ABI1: variants seen among roughly 807,000 people sequenced by gnomAD.
ABI1 encodes abl interactor 1.
ABI1 carries 14 observed loss-of-function variants against 54.6 expected under a neutral mutation model. The observed-to-expected ratio is 0.26, with a 90% CI of 0.17 to 0.40. ABI1 has a LOEUF of 0.40. Ranked by LOEUF, ABI1 falls within the 10% of genes least tolerant of loss-of-function variation. The probability of loss-of-function intolerance (pLI) is 1.00; values close to 1 mark genes in which losing one functional copy is unlikely to be tolerated. For missense variants in ABI1, 443 were observed against 598.3 expected (o/e 0.74, Z 2.71); for synonymous variants, 194 against 209.3 (o/e 0.93, Z 0.63).
chr10:26,788,425 A>C lies in ABI1; in HGVS notation c.286-11184T>G, dbSNP rs543495864. ...CTAAAAAATAATAAATCTGAATCTT[A>C]TTTATCAAACTACCCAATCTACAAC... is the stretch of plus-strand genomic sequence containing the variant. On this transcript the variant is annotated intron_variant, in intron 2 of 10. Coordinates refer to ENST00000376140, the MANE Select transcript of ABI1 (RefSeq NM_001012750.3). Among the ~76,000 whole-genome samples, 52 of 152,344 alleles carry C rather than the reference A, an allele frequency of 3.4e-4. 1 individual carries two copies. The highest frequency in any genetic ancestry group is 3.4e-3 in the Admixed American group (52 of 15,302).
At chr10:26,807,094 G>A (rs78171890) in intron 2 of ABI1, among the ~76,000 whole-genome samples, 3,097 of 152,132 alleles carry the variant, frequency 0.02, 75 homozygotes, top group African/African-American at 0.065. Context: ...TCTAGATTCT[G>A]CTATAGTCCT....
intron 7 of ABI1, among the ~76,000 whole-genome samples, chr10:26,760,798 G>A (rs1202766122): frequency 7.0e-6 from 1 of 141,880 alleles, no homozygotes; most frequent in Non-Finnish European, 1.5e-5. Flanking sequence ...GTTGAGACAG[G>A]AGAATCACTT....
intron 2 of ABI1, among the ~76,000 whole-genome samples, chr10:26,792,438 C>T (rs1381414356): frequency 6.6e-6 from 1 of 151,966 alleles, no homozygotes; most frequent in African/African-American, 2.4e-5. Context: ...AATCCAAGCA[C>T]AGGGGACAGC....
chr10:26,799,523 G>A (rs2046405545), intron 2 of ABI1, among the ~76,000 whole-genome samples: 1 of 152,134 alleles, frequency 6.6e-6, no homozygotes, highest in Non-Finnish European at 1.5e-5. Flanking sequence ...AACTGCAGGT[G>A]GCTAGAAAGG....
At chr10:26,786,159 C>T (rs1475697200) in intron 2 of ABI1, among the ~76,000 whole-genome samples, 1 of 152,046 alleles carries the variant, frequency 6.6e-6, no homozygotes, top group Non-Finnish European at 1.5e-5. Context: ...CTGATACAAT[C>T]ATTGATTCAT....
chr10:26,750,305 C>A (rs780654059), intron 10 of ABI1, among the ~76,000 whole-genome samples: 1 of 152,156 alleles, frequency 6.6e-6, no homozygotes, highest in African/African-American at 2.4e-5. Flanking sequence ...ACCAGCCTGG[C>A]CAACATGGCA....
At chr10:26,832,801 G>T (rs557198150) in intron 1 of ABI1, among the ~76,000 whole-genome samples, 1 of 152,204 alleles carries the variant, frequency 6.6e-6, no homozygotes, top group African/African-American at 2.4e-5. Flanking sequence ...ACTCTGTGGG[G>T]AGAGATGAGA....
intron 2 of ABI1, among the ~76,000 whole-genome samples, chr10:26,793,577 A>T (rs980448867): frequency 3.3e-5 from 5 of 152,204 alleles, no homozygotes; most frequent in Non-Finnish European, 5.9e-5. Flanking sequence ...ACTTCCCATG[A>T]CATTTTTCTG....
intron 3 of ABI1, among the ~76,000 whole-genome samples, chr10:26,775,425 T>G (rs1198270250): frequency 6.6e-6 from 1 of 152,058 alleles, no homozygotes; most frequent in African/African-American, 2.4e-5. Flanking sequence ...CACAGAACTA[T>G]ACACCTAAAA....
At position 26,761,664 on chromosome 10, in the gene ABI1, A is replaced by G. The variant is rs376865155; in HGVS notation, c.821-2426T>C. Among the ~76,000 whole-genome samples the G allele has an allele frequency of 0.014, 1,744 of 128,030 alleles. 156 individuals carry two copies. In the South Asian group the frequency reaches 0.18, roughly 13 times the overall value. 84.0% of individuals were successfully genotyped at this position (128,030 alleles called of 152,430 possible). On this transcript the variant is annotated intron_variant, in intron 7 of 10. Transcript: ENST00000376140. Reference sequence around the variant, plus strand: ...TATATATATATATATATATATATACACACACACATACACATATATAACCTT... The same window carrying G: ...TATATATATATATATATATATATACGCACACACATACACATATATAACCTT...
intron 2 of ABI1, among the ~76,000 whole-genome samples, chr10:26,821,131 G>C (rs1038376700): frequency 2.0e-5 from 3 of 150,772 alleles, no homozygotes; most frequent in Non-Finnish European, 4.4e-5. Flanking sequence ...TGTAATCCCA[G>C]CTACTCAGAA....
intron 1 of ABI1, among the ~76,000 whole-genome samples, chr10:26,848,149 T>C (rs2050118190): frequency 1.5e-5 from 2 of 133,282 alleles, no homozygotes; most frequent in South Asian, 2.3e-4. Flanking sequence ...TAGTGAACAG[T>C]AATCGTGCCA....
rs145827829 is a variant in ABI1 at position 26,844,030 on chromosome 10, G to A, written c.117+16717C>T. 3.2e-3 allele frequency among the ~76,000 whole-genome samples: 485 copies of A among 152,166 alleles called. 1 individual carries two copies. The highest frequency in any genetic ancestry group is 0.01 in the Middle Eastern group (3 of 294). The stretch of plus-strand genomic sequence containing the variant: ...CTTACCAGTGTTAAATTTAAAACAC[G>A]GTTTCTATTTTCAAATCTGGGAAAC... On this transcript the variant is annotated intron_variant, in intron 1 of 10. Coordinates refer to ENST00000376140, the MANE Select transcript of ABI1 (RefSeq NM_001012750.3).
Position 26,771,103 on chromosome 10 carries a change from A to G in ABI1, c.463-14T>C. The stretch of plus-strand genomic sequence containing the variant: ...GGCTTTTAGCCACTTTACGTTGGCA[A>G]AAAAAGGGGGGGAAAAAGTAGACAT... On this transcript the variant is annotated splice_polypyrimidine_tract_variant and intron_variant, in intron 3 of 10. Coordinates refer to ENST00000376140, the MANE Select transcript of ABI1 (RefSeq NM_001012750.3). 1 of 1,613,620 alleles carries G rather than the reference A, an allele frequency of 6.2e-7. No individual in the cohort carries two copies. Among genetic ancestry groups the G allele is most frequent in the Non-Finnish European group, 8.5e-7 (1 of 1,179,682 alleles).
intron 1 of ABI1, among the ~76,000 whole-genome samples, chr10:26,848,200 C>CAAAAAAAAAAAAAAAAAAAAA (rs149066426): frequency 1.3e-5 from 1 of 78,682 alleles, no homozygotes; most frequent in African/African-American, 4.9e-5. Context: ...GACCCTGTCT[C>CAAAAAAAAAAAAAAAAAAAAA]AAAAAAAAAA....
At chr10:26,850,657 C>CAA (rs560840432) in intron 1 of ABI1, among the ~76,000 whole-genome samples, 52 of 101,500 alleles carry the variant, frequency 5.1e-4, no homozygotes, top group African/African-American at 1.3e-3. Flanking sequence ...GACTCCGTCT[C>CAA]AAAAAAAAAA....
Position 26,772,917 on chromosome 10 carries a change from A to T in ABI1, c.463-1828T>A, listed in dbSNP as rs550905004. Among the ~76,000 whole-genome samples, 203 of 152,082 alleles carry T rather than the reference A, an allele frequency of 1.3e-3. 1 individual carries two copies. The highest frequency in any genetic ancestry group is 6.8e-3 in the Middle Eastern group (2 of 294). On this transcript the variant is annotated intron_variant, in intron 3 of 10. Transcript: ENST00000376140. ...GCGAAACCCCTTCTCTTGAAAAAAA[A>T]AAATAAAAAATTAGCCAGGCATAGT...
chr10:26,770,303 T>A lies in ABI1; in HGVS notation c.520A>T (p.Thr174Ser). Residue 174 changes from threonine (T) to serine (S), a missense_variant, in exon 5 of 11, where the codon ACA (threonine) becomes TCA (serine). Physicochemically the swap from Thr to Ser is moderately conservative, Grantham distance 58 (BLOSUM62 1). Coordinates refer to ENST00000376140, the MANE Select transcript of ABI1 (RefSeq NM_001012750.3). ...GGCGGTTTCTGAGTAGGAGGATTTG[T>A]TCTCGACAGTGTGCCAGTTCTTGCA... ...QPARTGTLSR[T>S]NPPTQKPPSP... 1 of 1,614,104 alleles carries A rather than the reference T, an allele frequency of 6.2e-7. No homozygotes were observed. The highest frequency in any genetic ancestry group is 8.5e-7 in the Non-Finnish European group (1 of 1,179,928).
chr10:26,859,721 G>A (rs2051139647), intron 1 of ABI1, among the ~76,000 whole-genome samples: 1 of 152,110 alleles, frequency 6.6e-6, no homozygotes, highest in Non-Finnish European at 1.5e-5. Context: ...TAGTTCAGAG[G>A]CTACCTCTGT....
Sources: gnomAD v4.1 joint callset for allele counts (sites outside exome capture counted in the v4.1 genomes callset) on GRCh38, gnomAD v4.1.1 for gene constraint, MANE v1.5 for transcripts, NCBI Gene and HGNC (gene_info 2026-07-23, HGNC 2026-07-21) for gene names.